CPNE8: variants seen among roughly 807,000 people sequenced by gnomAD.
CPNE8 encodes copine-8.
A neutral mutation model predicts 81.5 loss-of-function variants in CPNE8; 45 were observed. The ratio of observed to expected loss-of-function variants is 0.55; its 90% CI spans 0.44 to 0.71. The LOEUF is 0.71. CPNE8 is among the 30% of genes least tolerant of loss of function. The probability of loss-of-function intolerance (pLI) is 0.00; values close to 1 mark genes in which losing one functional copy is unlikely to be tolerated. For missense variants in CPNE8, 594 were observed against 672.1 expected (o/e 0.88, Z 1.28); for synonymous variants, 252 against 226.3 (o/e 1.11, Z -1.02).
At chr12:38,744,619 G>T in intron 10 of CPNE8, among the ~76,000 whole-genome samples, 1 of 152,104 alleles carries the variant, frequency 6.6e-6, no homozygotes, top group Admixed American at 6.6e-5. Flanking sequence ...ATGTGCTGTG[G>T]AGAAATGAAA....
intron 6 of CPNE8, among the ~76,000 whole-genome samples, chr12:38,827,969 A>G (rs1943226744): frequency 6.6e-6 from 1 of 152,150 alleles, no homozygotes; most frequent in Admixed American, 6.5e-5. Flanking sequence ...TCTGAACCTA[A>G]AATAAAAGCT....
chr12:38,667,347 T>G (rs1179731055), intron 19 of CPNE8, among the ~76,000 whole-genome samples: 1 of 152,172 alleles, frequency 6.6e-6, no homozygotes, highest in Non-Finnish European at 1.5e-5. Flanking sequence ...TATTCAAGAG[T>G]GTTTCTCTCC....
intron 6 of CPNE8, among the ~76,000 whole-genome samples, chr12:38,823,135 T>A (rs916931967): frequency 4.6e-5 from 7 of 152,192 alleles, no homozygotes; most frequent in African/African-American, 1.7e-4. Context: ...TAAGTCCACA[T>A]CTGTGTCAAA....
intron 6 of CPNE8, among the ~76,000 whole-genome samples, chr12:38,797,115 G>A (rs1285263563): frequency 6.6e-6 from 1 of 152,160 alleles, no homozygotes; most frequent in Non-Finnish European, 1.5e-5. Context: ...ACCTCTGGGG[G>A]CAGGGCACAG....
chr12:38,853,058 A>G (rs1456565522), intron 3 of CPNE8, among the ~76,000 whole-genome samples: 1 of 152,204 alleles, frequency 6.6e-6, no homozygotes, highest in East Asian at 1.9e-4. Flanking sequence ...ACTGGAAATA[A>G]TAAGAAATCT....
At chr12:38,685,683 A>G (rs1939517529) in intron 15 of CPNE8, 66 bp from the exon 16 acceptor site, 1 of 1,528,154 alleles carries the variant, frequency 6.5e-7, no homozygotes, top group African/African-American at 1.4e-5. Context: ...ATGAAGATCA[A>G]TTGAAAGAGA....
chr12:38,678,205 A>T (rs977229496), intron 16 of CPNE8, among the ~76,000 whole-genome samples: 1 of 152,162 alleles, frequency 6.6e-6, no homozygotes, highest in Non-Finnish European at 1.5e-5. Flanking sequence ...ACACATCCAC[A>T]GTCAAGTCTT....
intron 14 of CPNE8, among the ~76,000 whole-genome samples, chr12:38,701,935 T>C (rs1456994156): frequency 1.3e-5 from 2 of 152,224 alleles, no homozygotes; most frequent in Non-Finnish European, 2.9e-5. Context: ...GTTCTAACTC[T>C]AGAACTAACA....
At chr12:38,767,590 T>A in intron 8 of CPNE8, 45 bp downstream of exon 8, 1 of 1,070,762 alleles carries the variant, frequency 9.3e-7, no homozygotes, top group East Asian at 2.8e-5. Context: ...ATAATTCAAG[T>A]ATCATCATTA....
At chr12:38,778,376 T>C (rs889849347) in intron 6 of CPNE8, among the ~76,000 whole-genome samples, 7 of 152,134 alleles carry the variant, frequency 4.6e-5, no homozygotes, top group African/African-American at 1.7e-4. Context: ...TAGAACAAAA[T>C]GTTCTCATGG....
chr12:38,893,696 C>T (rs780816410), intron 1 of CPNE8, among the ~76,000 whole-genome samples: 2 of 152,120 alleles, frequency 1.3e-5, no homozygotes, highest in African/African-American at 2.4e-5. Context: ...GTGTCTGGGT[C>T]GGGAGCCCTT....
intron 13 of CPNE8, among the ~76,000 whole-genome samples, chr12:38,709,329 G>C (rs893405916): frequency 3.9e-5 from 6 of 152,164 alleles, no homozygotes; most frequent in African/African-American, 1.4e-4. Context: ...GCAGACAGAT[G>C]CCTCATTCCA....
chr12:38,698,780 T>C (rs1441012313), intron 14 of CPNE8, among the ~76,000 whole-genome samples: 1 of 152,254 alleles, frequency 6.6e-6, no homozygotes, highest in Non-Finnish European at 1.5e-5. Flanking sequence ...CAGAAGACAC[T>C]GTCTTAATTA....
At chr12:38,682,651 T>C (rs1939436154) in intron 16 of CPNE8, among the ~76,000 whole-genome samples, 1 of 152,236 alleles carries the variant, frequency 6.6e-6, no homozygotes, top group Admixed American at 6.5e-5. Context: ...TATGTATATA[T>C]GTGCATGTAT....
chr12:38,662,043 T>C (rs1440767632), intron 19 of CPNE8, among the ~76,000 whole-genome samples: 1 of 152,116 alleles, frequency 6.6e-6, no homozygotes, highest in Non-Finnish European at 1.5e-5. Flanking sequence ...AACCCACAGC[T>C]AATATCATAG....
intron 4 of CPNE8, among the ~76,000 whole-genome samples, chr12:38,845,701 TA>T (rs1216366389): frequency 6.6e-6 from 1 of 152,092 alleles, no homozygotes; most frequent in Non-Finnish European, 1.5e-5. Context: ...ATGATAATAA[TA>T]ATAAGCCTGT....
rs578244482 is a variant in CPNE8, at chr12:38,753,537, T to C, written c.722+7310A>G. Among the ~76,000 whole-genome samples the C allele has an allele frequency of 1.1e-4, 16 of 152,308 alleles. No homozygotes were observed. The East Asian group carries it at 1.2e-3, about 11-fold the overall frequency. On this transcript the variant is annotated intron_variant, in intron 10 of 19. Coordinates refer to ENST00000331366, the MANE Select transcript of CPNE8 (RefSeq NM_153634.3). ...TCTCTTCTGTATTACTGAAGTAACA[T>C]AGCAAGAAGCTACTACATTAAAGGC...
chr12:38,724,484 A>G (rs1475430206), intron 12 of CPNE8, among the ~76,000 whole-genome samples: 1 of 152,124 alleles, frequency 6.6e-6, no homozygotes, highest in Non-Finnish European at 1.5e-5. Flanking sequence ...TTACTTATTA[A>G]GTATAGCCTA....
Position 38,791,849 on chromosome 12 carries a change from T to TAA in CPNE8, c.408-15550_408-15549dup, listed in dbSNP as rs559292069. On this transcript the variant is annotated intron_variant, in intron 6 of 19. Coordinates refer to ENST00000331366, the MANE Select transcript of CPNE8 (RefSeq NM_153634.3). ...ACATTTTAGGACACAAAACAAGTCTTAACAAATTCACAAAGCTTGAAATCA... is the reference window on the plus strand; with the variant it reads ...ACATTTTAGGACACAAAACAAGTCTTAAAACAAATTCACAAAGCTTGAAATCA... Among the ~76,000 whole-genome samples, 16 of 151,626 alleles carry TAA rather than the reference T, an allele frequency of 1.1e-4. No homozygotes were observed. The South Asian group carries it at 3.1e-3, about 29-fold the overall frequency.
Sources: allele counts gnomAD v4.1 joint callset (sites outside exome capture counted in the v4.1 genomes callset), GRCh38; gene constraint gnomAD v4.1.1; transcripts MANE v1.5; gene names NCBI Gene and HGNC (gene_info 2026-07-23, HGNC 2026-07-21).